RANBP3L: variants seen among roughly 807,000 people sequenced by gnomAD.
RANBP3L encodes the protein RAN binding protein 3 like.
RANBP3L carries 56 observed loss-of-function variants against 67.2 expected under a neutral mutation model. The observed-to-expected ratio is 0.83, with a 90% CI of 0.67 to 1.04. The LOEUF (loss-of-function observed/expected upper bound fraction) is 1.04, where lower values mean the gene tolerates loss of function less well. Ranked by LOEUF, RANBP3L falls within the 50% of genes least tolerant of loss-of-function variation. RANBP3L has a pLI of 0.00. For synonymous variants in RANBP3L, 164 were observed against 181.4 expected (o/e 0.90, Z 0.77); for missense variants, 496 against 535.5 (o/e 0.93, Z 0.73).
At chr5:36,257,678 G>A (rs905698534) in intron 8 of RANBP3L, 122 bp from the exon 9 acceptor site, 1 of 462,880 alleles carries the variant, frequency 2.2e-6, no homozygotes, top group Non-Finnish European at 3.9e-6. Flanking sequence ...TAGCTGGTAT[G>A]TTTTTGTTTT....
Position 36,249,590 on chromosome 5 carries a change from G to A in RANBP3L, c.*64C>T. On this transcript the variant is annotated 3_prime_UTR_variant, in exon 14 of 14. Transcript: ENST00000296604. ...ATAGAATCTTCTCATTAGTTAGGGT[G>A]GTTTAGTATTTTCAGTAGGGTGACC... 1.4e-6 allele frequency: 1 copy of A among 738,120 alleles called. No individual in the cohort carries two copies. Among genetic ancestry groups the A allele is most frequent in the Non-Finnish European group, 2.3e-6 (1 of 444,134 alleles). The allele number at this position is 738,120 out of a possible 1,614,324, so 45.7% of individuals were successfully genotyped here.
chr5:36,286,672 A>C (rs1262365946), intron 1 of RANBP3L, among the ~76,000 whole-genome samples: 2 of 152,248 alleles, frequency 1.3e-5, no homozygotes, highest in Non-Finnish European at 2.9e-5. Flanking sequence ...AAAGTTTGAG[A>C]ATCACTAACC....
intron 1 of RANBP3L, among the ~76,000 whole-genome samples, chr5:36,293,948 A>G (rs947424500): frequency 2.6e-5 from 4 of 151,388 alleles, no homozygotes; most frequent in East Asian, 1.9e-4. Context: ...CTCTTTTTCT[A>G]TTGATTGGAA....
Position 36,289,514 on chromosome 5 carries a change from A to G in RANBP3L, c.91+11812T>C, listed in dbSNP as rs1282499127. On this transcript the variant is annotated intron_variant, in intron 1 of 13. Transcript: ENST00000296604. ...GATTGACATCTTAACAATATTGAGC[A>G]TTCCAATTCATGAATTTGGGATGTA... 2.6e-5 allele frequency among the ~76,000 whole-genome samples: 4 copies of G among 152,314 alleles called. No individual in the cohort carries two copies. In the East Asian group the frequency reaches 7.7e-4, roughly 29 times the overall value.
intron 1 of RANBP3L, among the ~76,000 whole-genome samples, chr5:36,297,426 T>TATACAC (rs1561150172): frequency 1.3e-5 from 2 of 148,924 alleles, no homozygotes; most frequent in Admixed American, 6.7e-5. Context: ...GTCACCTGTA[T>TATACAC]ACACACACAC....
At chr5:36,270,951 A>G (rs1034527236) in intron 2 of RANBP3L, among the ~76,000 whole-genome samples, 2 of 152,232 alleles carry the variant, frequency 1.3e-5, no homozygotes, top group Admixed American at 1.3e-4. Context: ...GAGGACTCAT[A>G]TGAGGAGCTA....
At chr5:36,298,299 TAAA>T (rs397786019) in intron 1 of RANBP3L, among the ~76,000 whole-genome samples, 2 of 128,052 alleles carry the variant, frequency 1.6e-5, no homozygotes, top group African/African-American at 2.9e-5. Flanking sequence ...GACTCCATCT[TAAA>T]AAAAAAAAAA....
chr5:36,294,436 T>G (rs1752040494), intron 1 of RANBP3L, among the ~76,000 whole-genome samples: 1 of 152,128 alleles, frequency 6.6e-6, no homozygotes, highest in African/African-American at 2.4e-5. Flanking sequence ...TTTCTTGCCC[T>G]CTGCTAGCTT....
chr5:36,268,547 G>A (rs1051374241), intron 4 of RANBP3L, among the ~76,000 whole-genome samples: 2 of 152,088 alleles, frequency 1.3e-5, no homozygotes, highest in Non-Finnish European at 2.9e-5. Flanking sequence ...TATATACATA[G>A]ATGCTGTATT....
intron 4 of RANBP3L, 101 bp downstream of exon 4, chr5:36,269,289 G>A: frequency 1.4e-6 from 1 of 729,312 alleles, no homozygotes; most frequent in Non-Finnish European, 2.4e-6. Flanking sequence ...ACACTATTCA[G>A]CTGGCAAGCT....
At chr5:36,299,395 A>C (rs1259086993) in intron 1 of RANBP3L, among the ~76,000 whole-genome samples, 1 of 151,294 alleles carries the variant, frequency 6.6e-6, no homozygotes, top group Non-Finnish European at 1.5e-5. Flanking sequence ...GTCCCTCTAG[A>C]GAACTTTGAT....
intron 3 of RANBP3L, 24 bp downstream of exon 3, chr5:36,269,927 G>A: frequency 6.3e-7 from 1 of 1,595,040 alleles, no homozygotes; most frequent in Non-Finnish European, 8.6e-7. Context: ...GATTGATTTT[G>A]GAATACAGGA....
Position 36,277,416 on chromosome 5 carries a change from C to CTA in RANBP3L, c.92-6106_92-6105insTA, listed in dbSNP as rs1750651511. 8.0e-5 allele frequency among the ~76,000 whole-genome samples: 6 copies of CTA among 74,900 alleles called. No homozygotes were observed. In the East Asian group the frequency reaches 1.1e-3, roughly 14 times the overall value. 49.1% of individuals were successfully genotyped at this position (74,900 alleles called of 152,430 possible). A position where few individuals can be genotyped will look rare whatever the true frequency, so the allele number is the denominator to read the frequency against. ...CTTTTTCATCTCTCTCTCTCTCTCT[C>CTA]TCTCTCTATATATATATATATATAT... On this transcript the variant is annotated intron_variant, in intron 1 of 13. Coordinates refer to ENST00000296604, the MANE Select transcript of RANBP3L (RefSeq NM_145000.5).
Position 36,257,483 on chromosome 5 carries a change from G to A in RANBP3L, c.743C>T (p.Pro248Leu), listed in dbSNP as rs751770258. 13 of 1,587,718 alleles carry A rather than the reference G, an allele frequency of 8.2e-6. No individual in the cohort carries two copies. The highest frequency in any genetic ancestry group is 2.3e-5 in the South Asian group (2 of 87,818). ...ACTTAAAAAGTTGACAGGAAATTTCGGAATGGATTTGAATGGTTTTTCCTT... is the reference window on the plus strand; with the variant it reads ...ACTTAAAAAGTTGACAGGAAATTTCAGAATGGATTTGAATGGTTTTTCCTT... ...YAKEKPFKSI[P>L]KFPVNFLSSR... The change falls in exon 9 of 14, where the codon CCG (proline) becomes CTG (leucine). Residue 248 changes from proline (P) to leucine (L), a missense_variant. Physicochemically the swap from Pro to Leu is moderately conservative, Grantham distance 98. Transcript: ENST00000296604.
intron 6 of RANBP3L, among the ~76,000 whole-genome samples, chr5:36,263,632 T>C (rs954680522): frequency 4.6e-5 from 7 of 152,350 alleles, no homozygotes; most frequent in Non-Finnish European, 7.3e-5. Flanking sequence ...CTCGGTTCAC[T>C]GCAACCTCCA....
chr5:36,269,329 A>G (rs1750042022), intron 4 of RANBP3L, 61 bp downstream of exon 4: 1 of 985,956 alleles, frequency 1.0e-6, no homozygotes, highest in Non-Finnish European at 1.6e-6. Flanking sequence ...AAAGTTTCTC[A>G]GTAATTTTGC....
At chr5:36,262,707 G>A (rs899175686) in intron 6 of RANBP3L, among the ~76,000 whole-genome samples, 1 of 152,022 alleles carries the variant, frequency 6.6e-6, no homozygotes, top group East Asian at 1.9e-4. Flanking sequence ...AGCCAGATGG[G>A]TTATGTTTCC....
intron 6 of RANBP3L, 29 bp downstream of exon 6, chr5:36,264,930 G>C (rs773299638): frequency 6.3e-7 from 1 of 1,599,234 alleles, no homozygotes; most frequent in East Asian, 2.2e-5. Context: ...AGGGATTGAG[G>C]TCAGTTCCGT....
chr5:36,251,483 G>GT lies in RANBP3L; in HGVS notation c.1183dup (p.Thr395AsnfsTer20). ...ATGTATTGCTGCATACAAATATGCT[G>GT]TATCTTGGGCACTGGCCTGCATGAG... On this transcript the variant is annotated frameshift_variant, in exon 13 of 14. Coordinates refer to ENST00000296604, the MANE Select transcript of RANBP3L (RefSeq NM_145000.5). LOFTEE classifies it high-confidence loss of function. 6.2e-7 allele frequency: 1 copy of GT among 1,610,160 alleles called. No individual in the cohort carries two copies. Among genetic ancestry groups the GT allele is most frequent in the South Asian group, 1.1e-5 (1 of 90,514 alleles).
Sources: gnomAD v4.1 joint callset for allele counts (sites outside exome capture counted in the v4.1 genomes callset) on GRCh38, gnomAD v4.1.1 for gene constraint, MANE v1.5 for transcripts, NCBI Gene and HGNC (gene_info 2026-07-23, HGNC 2026-07-21) for gene names.